Variants in EEFSEC observed in about 807,000 individuals in gnomAD.
EEFSEC encodes the protein selenocysteine-specific elongation factor.
EEFSEC carries 43 observed loss-of-function variants against 42.1 expected under a neutral mutation model. The ratio of observed to expected loss-of-function variants is 1.02; its 90% CI spans 0.80 to 1.32. The LOEUF (loss-of-function observed/expected upper bound fraction) is 1.32, where lower values mean the gene tolerates loss of function less well. Ranked by LOEUF, EEFSEC falls within the 40% of genes most tolerant of loss-of-function variation. The pLI is 0.00. For synonymous variants in EEFSEC, 354 were observed against 339.1 expected, an observed-to-expected ratio of 1.04 and a Z score of -0.48; for missense variants, 745 against 803.6, an observed-to-expected ratio of 0.93 and a Z score of 0.88.
intron 4 of EEFSEC, among the ~76,000 whole-genome samples, chr3:128,332,969 G>A (rs1006271614): frequency 2.0e-5 from 3 of 152,146 alleles, no homozygotes; most frequent in Admixed American, 2.0e-4. Flanking sequence ...ATCTTTAAAA[G>A]CTTATTTCAT....
At chr3:128,179,686 G>A (rs565212268) in intron 1 of EEFSEC, among the ~76,000 whole-genome samples, 112 of 152,246 alleles carry the variant, frequency 7.4e-4, no homozygotes, top group Non-Finnish European at 1.0e-3. Flanking sequence ...ACGGGCTTGC[G>A]TTAGCATTTC....
intron 1 of EEFSEC, among the ~76,000 whole-genome samples, chr3:128,226,428 C>T (rs550895166): frequency 3.3e-5 from 5 of 152,258 alleles, no homozygotes; most frequent in East Asian, 1.9e-4. Context: ...CTGGTCATTC[C>T]GTCCTTTTCT....
chr3:128,375,605 G>T (rs1002506487), intron 6 of EEFSEC, among the ~76,000 whole-genome samples: 1 of 152,150 alleles, frequency 6.6e-6, no homozygotes, highest in African/African-American at 2.4e-5. Flanking sequence ...CTTGCGCTGG[G>T]TGCTCTGGCC....
At chr3:128,327,630 G>A (rs936006149) in intron 4 of EEFSEC, among the ~76,000 whole-genome samples, 2 of 152,208 alleles carry the variant, frequency 1.3e-5, no homozygotes, top group Non-Finnish European at 2.9e-5. Context: ...AGATGTGCAG[G>A]AAGGCATTCC....
chr3:128,286,074 A>G (rs1423476962), intron 4 of EEFSEC, among the ~76,000 whole-genome samples: 1 of 152,152 alleles, frequency 6.6e-6, no homozygotes, highest in African/African-American at 2.4e-5. Flanking sequence ...CTCTGTGTGT[A>G]CCCTATGCCA....
At chr3:128,156,738 A>C (rs1329296278) in intron 1 of EEFSEC, among the ~76,000 whole-genome samples, 1 of 152,244 alleles carries the variant, frequency 6.6e-6, no homozygotes, top group Non-Finnish European at 1.5e-5. Flanking sequence ...TAAGGCAGCA[A>C]ACTTAATAAA....
intron 1 of EEFSEC, among the ~76,000 whole-genome samples, chr3:128,220,370 T>C (rs1046687683): frequency 2.0e-5 from 3 of 152,188 alleles, no homozygotes; most frequent in Non-Finnish European, 2.9e-5. Flanking sequence ...GGCTGTTCAT[T>C]GTGGACAGTG....
chr3:128,264,709 C>T lies in EEFSEC; in HGVS notation c.714C>T (p.Gly238=), dbSNP rs766504562. ...VDHCFSIKGQ[G]TVMTGTILSG... ...ACTGTTTCTCCATCAAAGGCCAAGG[C>T]ACTGTGATGACAGGGACCATCCTTT... is the stretch of plus-strand genomic sequence containing the variant. The change falls in exon 4 of 7, where the codon GGC becomes GGT. Residue 238 remains glycine, a synonymous_variant. Transcript: ENST00000254730. 6 of 1,614,182 alleles carry T rather than the reference C, an allele frequency of 3.7e-6. No homozygotes were observed. The highest frequency in any genetic ancestry group is 1.7e-5 in the Admixed American group (1 of 60,034).
intron 4 of EEFSEC, among the ~76,000 whole-genome samples, chr3:128,281,616 G>A (rs760323504): frequency 2.4e-4 from 37 of 152,246 alleles, no homozygotes; most frequent in Middle Eastern, 6.8e-3. Flanking sequence ...AGTTTCACCA[G>A]GATGGGGTTT....
the EEFSEC span, among the ~76,000 whole-genome samples, chr3:128,420,839 C>A: frequency 2.0e-5 from 3 of 152,158 alleles, no homozygotes; most frequent in African/African-American, 7.2e-5. Context: ...CCCCTCCAGC[C>A]CAGGCCCCAC....
At chr3:128,381,089 G>A (rs1237709066) in intron 6 of EEFSEC, among the ~76,000 whole-genome samples, 6 of 152,196 alleles carry the variant, frequency 3.9e-5, no homozygotes, top group Admixed American at 2.0e-4. Flanking sequence ...ATTTCTGATT[G>A]GCTCTTGCTA....
At chr3:128,323,898 C>G (rs1210148952) in intron 4 of EEFSEC, among the ~76,000 whole-genome samples, 1 of 152,174 alleles carries the variant, frequency 6.6e-6, no homozygotes, top group Non-Finnish European at 1.5e-5. Context: ...TCAGAAGGTA[C>G]AGGTGTATCT....
intron 1 of EEFSEC, among the ~76,000 whole-genome samples, chr3:128,213,926 C>T (rs2065784433): frequency 6.6e-6 from 1 of 152,020 alleles, no homozygotes; most frequent in African/African-American, 2.4e-5. Flanking sequence ...CCAACCTCAG[C>T]CAAGTAAAGA....
At chr3:128,344,667 C>T (rs888660008) in intron 5 of EEFSEC, among the ~76,000 whole-genome samples, 2 of 152,202 alleles carry the variant, frequency 1.3e-5, no homozygotes, top group East Asian at 1.9e-4. Flanking sequence ...TTGAAAAGCT[C>T]GAATCTCCTT....
intron 1 of EEFSEC, among the ~76,000 whole-genome samples, chr3:128,201,763 A>C (rs544300324): frequency 3.3e-5 from 5 of 152,142 alleles, no homozygotes; most frequent in Non-Finnish European, 5.9e-5. Context: ...CTATGTTCTA[A>C]GTAACTTTGC....
In EEFSEC at chr3:128,341,533, A is replaced by G. The variant is rs749475593; in HGVS notation, c.1087A>G (p.Ile363Val). ...PAPDNFDQEP[I>V]LDSFNFSQEY... ...TCCAGATAACTTTGACCAGGAGCCT[A>G]TACTGGACTCTTTCAACTTCTCTCA... is the stretch of plus-strand genomic sequence containing the variant. Residue 363 changes from isoleucine to valine, a missense_variant, in exon 5 of 7, where the codon ATA (isoleucine) becomes GTA (valine). Physicochemically the swap from Ile to Val is conservative, Grantham distance 29. Coordinates refer to ENST00000254730, the MANE Select transcript of EEFSEC (RefSeq NM_021937.5). 2.8e-5 allele frequency: 45 copies of G among 1,613,976 alleles called. No homozygotes were observed. The highest frequency in any genetic ancestry group is 5.5e-5 in the South Asian group (5 of 91,088).
chr3:128,332,569 A>G (rs2067145540), intron 4 of EEFSEC, among the ~76,000 whole-genome samples: 1 of 152,112 alleles, frequency 6.6e-6, no homozygotes, highest in African/African-American at 2.4e-5. Flanking sequence ...CTCCCACCCC[A>G]GCATCCCAAG....
intron 4 of EEFSEC, among the ~76,000 whole-genome samples, chr3:128,324,421 TC>T (rs2067041734): frequency 6.6e-6 from 1 of 152,218 alleles, no homozygotes; most frequent in Non-Finnish European, 1.5e-5. Context: ...TTTCAGGACT[TC>T]CTGGCCCTCC....
At chr3:128,258,306 A>T (rs1020255284) in intron 2 of EEFSEC, among the ~76,000 whole-genome samples, 6 of 152,096 alleles carry the variant, frequency 3.9e-5, no homozygotes. Flanking sequence ...TGGATGCTGG[A>T]GGTCATTCTG....
Sources: gnomAD v4.1 joint callset for allele counts (sites outside exome capture counted in the v4.1 genomes callset) on GRCh38, gnomAD v4.1.1 for gene constraint, MANE v1.5 for transcripts, NCBI Gene and HGNC (gene_info 2026-07-23, HGNC 2026-07-21) for gene names.